Variants in AK4 observed in about 807,000 individuals in gnomAD.
AK4 encodes adenylate kinase 4.
In AK4, 13 loss-of-function variants were observed where a neutral mutation model predicts 24.6. That is an observed-to-expected ratio of 0.53 (90% CI 0.34 to 0.84). AK4 has a LOEUF of 0.84. Among genes scored for constraint, AK4 ranks in the 40% least tolerant of loss-of-function variants. The pLI, the probability that AK4 is intolerant of heterozygous loss-of-function variation, is 0.01. For missense variants in AK4, 192 were observed against 288.2 expected (o/e 0.67, Z 2.42); for synonymous variants, 88 against 107.0 (o/e 0.82, Z 1.10).
In AK4 at chr1:65,164,817, T is replaced by C. The variant is rs187641874; in HGVS notation, c.145+16265T>C. On this transcript the variant is annotated intron_variant, in intron 1 of 4. Coordinates refer to ENST00000327299, the MANE Select transcript of AK4 (RefSeq NM_013410.4). ...GTGTCATAGCTAAAACACCATTGCC[T>C]AATCCACAGTGTAGCCATTGTTTTT... is the stretch of plus-strand genomic sequence containing the variant. 2.6e-5 allele frequency among the ~76,000 whole-genome samples: 4 copies of C among 152,358 alleles called. No homozygotes were observed. The East Asian group carries it at 7.7e-4, about 29-fold the overall frequency.
intron 1 of AK4, among the ~76,000 whole-genome samples, chr1:65,164,906 G>T (rs1026984690): frequency 6.6e-6 from 1 of 152,182 alleles, no homozygotes; most frequent in African/African-American, 2.4e-5. Flanking sequence ...GGAAACTGGG[G>T]TTGAAGGTTC....
chr1:65,171,490 A>G (rs1176260621), intron 1 of AK4, among the ~76,000 whole-genome samples: 1 of 151,320 alleles, frequency 6.6e-6, no homozygotes, highest in Non-Finnish European at 1.5e-5. Context: ...TTTTTTCAGT[A>G]GAGACGGGGT....
chr1:65,170,545 C>A (rs1457787466), intron 1 of AK4, among the ~76,000 whole-genome samples: 1 of 152,170 alleles, frequency 6.6e-6, no homozygotes, highest in Non-Finnish European at 1.5e-5. Flanking sequence ...CTAGCCAAAC[C>A]AAACAGCACG....
In AK4 at chr1:65,190,316, G is replaced by T. The variant is rs865977664; in HGVS notation, c.146-394G>T. ...GTTGCCCAGGCTGGCATTCAGTAGT[G>T]CAGTCAATGAGCTTGAGCTCCCTGC... On this transcript the variant is annotated intron_variant, in intron 1 of 4. Coordinates refer to ENST00000327299, the MANE Select transcript of AK4 (RefSeq NM_013410.4). 1.1e-4 allele frequency among the ~76,000 whole-genome samples: 17 copies of T among 149,870 alleles called. 3 individuals carry two copies. The South Asian group carries it at 3.4e-3, about 30-fold the overall frequency.
chr1:65,183,625 A>G (rs1012170335), intron 1 of AK4, among the ~76,000 whole-genome samples: 2 of 149,320 alleles, frequency 1.3e-5, no homozygotes, highest in Non-Finnish European at 3.0e-5. Context: ...TTGCTGTAGA[A>G]TGGATTTTGT....
At chr1:65,218,531 A>T (rs1269141843) in intron 2 of AK4, among the ~76,000 whole-genome samples, 1 of 152,226 alleles carries the variant, frequency 6.6e-6, no homozygotes, top group Non-Finnish European at 1.5e-5. Flanking sequence ...TTTTTAAAAA[A>T]TAATTTCAAC....
chr1:65,221,251 T>G (rs1652286539), intron 3 of AK4, among the ~76,000 whole-genome samples: 1 of 152,180 alleles, frequency 6.6e-6, no homozygotes, highest in Non-Finnish European at 1.5e-5. Context: ...GTTATTCAAA[T>G]GTGGAATACA....
intron 1 of AK4, among the ~76,000 whole-genome samples, chr1:65,172,866 T>G (rs945566206): frequency 6.9e-6 from 1 of 144,292 alleles, no homozygotes; most frequent in Non-Finnish European, 1.5e-5. Context: ...TTTTTTTTTT[T>G]TTTTTTTTTT....
At position 65,232,105 on chromosome 1, in the gene AK4, T is replaced by C. The variant is rs1022943875; in HGVS notation, c.*5928T>C. ...TTGCTTGAAGGTTCATACTTTTCAA[T>C]TTGATAGAAATAAAGTTTTTTTCTG... On this transcript the variant is annotated 3_prime_UTR_variant, in exon 5 of 5. Coordinates refer to ENST00000327299, the MANE Select transcript of AK4 (RefSeq NM_013410.4). 1 of 152,248 alleles carries C rather than the reference T, an allele frequency of 6.6e-6. No individual in the cohort carries two copies. The highest frequency in any genetic ancestry group is 2.4e-5 in the African/African-American group (1 of 41,468). 9.4% of individuals were successfully genotyped at this position (152,248 alleles called of 1,614,324 possible).
rs147370676 is a variant in AK4, at chr1:65,159,945, G to C, written c.145+11393G>C. On this transcript the variant is annotated intron_variant, in intron 1 of 4. Coordinates refer to ENST00000327299, the MANE Select transcript of AK4 (RefSeq NM_013410.4). ...ATCGTGCCACTGCATTCCAGCCTGG[G>C]CAACAGCGCCGAGACTATGTCTCCA... Among the ~76,000 whole-genome samples, 441 of 141,754 alleles carry C rather than the reference G, an allele frequency of 3.1e-3. 5 individuals carry two copies. Among genetic ancestry groups the C allele is most frequent in the African/African-American group, 0.012 (422 of 36,336 alleles). The allele number at this position is 141,754 out of a possible 152,430, so 93.0% of individuals were successfully genotyped here. A position where few individuals can be genotyped will look rare whatever the true frequency, so the allele number is the denominator to read the frequency against.
chr1:65,174,317 A>C (rs1650637812), intron 1 of AK4, among the ~76,000 whole-genome samples: 1 of 151,674 alleles, frequency 6.6e-6, no homozygotes, highest in South Asian at 2.1e-4. Flanking sequence ...GATGAAGTTT[A>C]TTTTCCCCCA....
At chr1:65,225,818 GAT>G (rs1652437578) in intron 4 of AK4, among the ~76,000 whole-genome samples, 1 of 152,044 alleles carries the variant, frequency 6.6e-6, no homozygotes, top group Non-Finnish European at 1.5e-5. Context: ...GCTATTCTTT[GAT>G]ATGTTTTAAA....
At chr1:65,152,360 C>CTATATATATATA (rs1649812696) in intron 1 of AK4, among the ~76,000 whole-genome samples, 3 of 27,936 alleles carry the variant, frequency 1.1e-4, no homozygotes, top group Non-Finnish European at 2.1e-4. Context: ...CTCTCTCTCT[C>CTATATATATATA]TATATATATA....
chr1:65,184,260 A>G (rs1651012098), intron 1 of AK4, among the ~76,000 whole-genome samples: 1 of 152,212 alleles, frequency 6.6e-6, no homozygotes, highest in Non-Finnish European at 1.5e-5. Context: ...ATTGTGGATG[A>G]TACCATCCAT....
chr1:65,190,841 CTG>C lies in AK4; in HGVS notation c.265+15_265+16del, dbSNP rs1491265044. The C allele has an allele frequency of 3.7e-6, 6 of 1,612,228 alleles. No individual in the cohort carries two copies. The highest frequency in any genetic ancestry group is 3.4e-5 in the Admixed American group (2 of 59,554). On this transcript the variant is annotated intron_variant, in intron 2 of 4. Coordinates refer to ENST00000327299, the MANE Select transcript of AK4 (RefSeq NM_013410.4). ...CTGGCTCCTTGATGGTGAGTTGAAACTGTGGGTAAACCGAATTTCTGGGAATA... is the reference window on the plus strand; with the variant it reads ...CTGGCTCCTTGATGGTGAGTTGAAACTGGGTAAACCGAATTTCTGGGAATA...
intron 1 of AK4, among the ~76,000 whole-genome samples, chr1:65,150,450 A>T: frequency 6.8e-6 from 1 of 146,644 alleles, no homozygotes; most frequent in East Asian, 1.9e-4. Context: ...TGAGCCAATT[A>T]AAAAAAAAAC....
intron 1 of AK4, among the ~76,000 whole-genome samples, chr1:65,170,431 TGTC>T (rs1650477147): frequency 6.6e-6 from 1 of 152,188 alleles, no homozygotes; most frequent in African/African-American, 2.4e-5. Flanking sequence ...CGTTCTTTCT[TGTC>T]TTCTGTTAAA....
At chr1:65,186,230 G>T (rs1042603229) in intron 1 of AK4, among the ~76,000 whole-genome samples, 6 of 151,920 alleles carry the variant, frequency 3.9e-5, no homozygotes, top group Non-Finnish European at 8.8e-5. Context: ...CTGCCTCTTG[G>T]GTTCAAACTA....
intron 1 of AK4, among the ~76,000 whole-genome samples, chr1:65,175,252 G>A (rs1430327611): frequency 2.0e-5 from 3 of 152,318 alleles, no homozygotes; most frequent in Admixed American, 6.5e-5. Flanking sequence ...AAGAGTGTCC[G>A]CATCAGCTCT....
Sources: gnomAD v4.1 joint callset for allele counts (sites outside exome capture counted in the v4.1 genomes callset) on GRCh38, gnomAD v4.1.1 for gene constraint, MANE v1.5 for transcripts, NCBI Gene and HGNC (gene_info 2026-07-23, HGNC 2026-07-21) for gene names.